Variants in PCDH7 observed in about 807,000 individuals in gnomAD.
The protein encoded by PCDH7 is protocadherin 7.
A neutral mutation model predicts 58.9 loss-of-function variants in PCDH7; 17 were observed. The observed-to-expected ratio is 0.29, with a 90% CI of 0.20 to 0.43. PCDH7 has a LOEUF of 0.43. Among genes scored for constraint, PCDH7 ranks in the 20% least tolerant of loss-of-function variants. The pLI is 1.00. For synonymous variants in PCDH7, 664 were observed against 616.4 expected, an observed-to-expected ratio of 1.08 and a Z score of -1.14; for missense variants, 1,274 against 1,441.0, an observed-to-expected ratio of 0.88 and a Z score of 1.88.
intron 2 of PCDH7, among the ~76,000 whole-genome samples, chr4:30,947,519 C>T (rs1273934518): frequency 6.6e-6 from 1 of 152,088 alleles, no homozygotes; most frequent in Admixed American, 6.6e-5. Context: ...ATGTATATTT[C>T]CTTCACCCAG....
At chr4:31,057,930 T>C (rs1757384364) in intron 3 of PCDH7, among the ~76,000 whole-genome samples, 1 of 152,066 alleles carries the variant, frequency 6.6e-6, no homozygotes, top group Non-Finnish European at 1.5e-5. Context: ...ATAGAAAGCA[T>C]GATTAGGGGT....
chr4:31,115,254 A>G (rs1327474124), intron 3 of PCDH7, among the ~76,000 whole-genome samples: 1 of 152,212 alleles, frequency 6.6e-6, no homozygotes, highest in African/African-American at 2.4e-5. Flanking sequence ...AACAAGCAGT[A>G]TATTTGGAAG....
chr4:30,745,698 G>T (rs1344971762), intron 1 of PCDH7, among the ~76,000 whole-genome samples: 2 of 151,996 alleles, frequency 1.3e-5, no homozygotes, highest in Non-Finnish European at 1.5e-5. Context: ...CCCTGGTTTT[G>T]TGTCTTGGTG....
intron 1 of PCDH7, among the ~76,000 whole-genome samples, chr4:30,793,474 G>T (rs892123548): frequency 6.6e-6 from 1 of 151,828 alleles, no homozygotes; most frequent in Non-Finnish European, 1.5e-5. Context: ...ACTTTAATTA[G>T]CATGATGTTT....
intron 1 of PCDH7, among the ~76,000 whole-genome samples, chr4:30,729,447 C>A (rs891973470): frequency 2.6e-5 from 4 of 151,908 alleles, no homozygotes; most frequent in Admixed American, 2.0e-4. Flanking sequence ...GTTAATAATT[C>A]TTTTCCCTCA....
Position 31,097,614 on chromosome 4 carries a change from ATATATATATATATATATATAT to A in PCDH7, c.*8-44858_*8-44838del, listed in dbSNP as rs1303578362. ...TATATATATATATATATATATATAT[ATATATATATATATATATATAT>A]ATAAATCTTTTTTCTGTAATTTCTG... On this transcript the variant is annotated intron_variant, in intron 3 of 3. Coordinates refer to the PCDH7 transcript ENST00000509759. Among the ~76,000 whole-genome samples, 74 of 35,634 alleles carry A rather than the reference ATATATATATATATATATATAT, an allele frequency of 2.1e-3. 7 individuals are homozygous for A. In the East Asian group the frequency reaches 0.093, roughly 45 times the overall value. 23.4% of individuals were successfully genotyped at this position (35,634 alleles called of 152,430 possible). A position where few individuals can be genotyped will look rare whatever the true frequency, so the allele number is the denominator to read the frequency against.
chr4:31,119,312 C>A (rs1207172330), intron 3 of PCDH7, among the ~76,000 whole-genome samples: 1 of 152,182 alleles, frequency 6.6e-6, no homozygotes, highest in East Asian at 1.9e-4. Context: ...ATTAATTGAG[C>A]GCAGATCAAT....
chr4:31,079,356 ATATATATAC>A (rs2109265996), intron 3 of PCDH7, among the ~76,000 whole-genome samples: 1 of 113,674 alleles, frequency 8.8e-6, no homozygotes, highest in Admixed American at 9.1e-5. Context: ...ATATATATAT[ATATATATAC>A]ACCACATTTT....
chr4:30,794,810 A>G (rs1724581184), intron 1 of PCDH7, among the ~76,000 whole-genome samples: 1 of 152,128 alleles, frequency 6.6e-6, no homozygotes, highest in Admixed American at 6.5e-5. Context: ...AAAAAAATCC[A>G]ATAGACATTT....
intron 1 of PCDH7, among the ~76,000 whole-genome samples, chr4:30,726,363 G>A (rs147107285): frequency 2.0e-5 from 3 of 152,090 alleles, no homozygotes; most frequent in South Asian, 4.1e-4. Flanking sequence ...TAGCATTTGC[G>A]TTCTAAATTG....
chr4:31,138,339 T>G (rs1459237853), intron 3 of PCDH7, among the ~76,000 whole-genome samples: 1 of 152,202 alleles, frequency 6.6e-6, no homozygotes, highest in African/African-American at 2.4e-5. Context: ...GGTTGTTTCA[T>G]TCTTTTCACT....
rs57027542 is a variant in PCDH7, at chr4:31,006,864, C to T, written c.*7+56649C>T. ...CTGAGATCACGCTACTGCACTCCAG[C>T]CTGGGCAACAAGACTGAAACTTTGT... On this transcript the variant is annotated intron_variant, in intron 3 of 3. Transcript: ENST00000509759. Among the ~76,000 whole-genome samples the T allele has an allele frequency of 8.9e-3, 1,337 of 151,014 alleles. 21 individuals carry two copies. The highest frequency in any genetic ancestry group is 0.031 in the African/African-American group (1,267 of 41,096).
intron 1 of PCDH7, among the ~76,000 whole-genome samples, chr4:30,912,025 T>C (rs911643928): frequency 5.9e-5 from 9 of 152,208 alleles, no homozygotes; most frequent in African/African-American, 2.2e-4. Context: ...TGTAATTGCA[T>C]TCAAGTCAAA....
chr4:31,040,323 A>G (rs1755753356), intron 3 of PCDH7, among the ~76,000 whole-genome samples: 1 of 152,082 alleles, frequency 6.6e-6, no homozygotes, highest in Non-Finnish European at 1.5e-5. Flanking sequence ...ACCATCTTTT[A>G]GTGTTGACAT....
chr4:30,831,602 A>C (rs1479573335), intron 1 of PCDH7, among the ~76,000 whole-genome samples: 4 of 152,130 alleles, frequency 2.6e-5, no homozygotes, highest in Non-Finnish European at 5.9e-5. Flanking sequence ...AAAATAAAAC[A>C]AACAAAAAGG....
At chr4:31,034,054 A>C (rs1051841538) in intron 3 of PCDH7, among the ~76,000 whole-genome samples, 3 of 152,252 alleles carry the variant, frequency 2.0e-5, no homozygotes, top group Admixed American at 6.5e-5. Context: ...AAATCACACC[A>C]CTGCACTCCA....
At chr4:31,013,446 T>C (rs1012334298) in intron 3 of PCDH7, among the ~76,000 whole-genome samples, 3 of 150,558 alleles carry the variant, frequency 2.0e-5, no homozygotes, top group African/African-American at 7.3e-5. Flanking sequence ...ATCATATATC[T>C]TCATATATTA....
chr4:31,065,022 T>C (rs1757970214), intron 3 of PCDH7, among the ~76,000 whole-genome samples: 1 of 151,990 alleles, frequency 6.6e-6, no homozygotes, highest in South Asian at 2.1e-4. Flanking sequence ...AGTAAAAAAG[T>C]TAAAGAGTTT....
At chr4:30,769,625 A>G (rs776723821) in intron 1 of PCDH7, among the ~76,000 whole-genome samples, 4 of 152,150 alleles carry the variant, frequency 2.6e-5, no homozygotes, top group Non-Finnish European at 4.4e-5. Flanking sequence ...CATGTTGTCT[A>G]TACTATTTTG....
Sources: allele counts gnomAD v4.1 joint callset (sites outside exome capture counted in the v4.1 genomes callset), GRCh38; gene constraint gnomAD v4.1.1; transcripts MANE v1.5; gene names NCBI Gene and HGNC (gene_info 2026-07-23, HGNC 2026-07-21).